ABCD3: variants seen among roughly 807,000 people sequenced by gnomAD.
The protein encoded by ABCD3 is ATP-binding cassette sub-family D member 3.
ABCD3 carries 41 observed loss-of-function variants against 105.5 expected under a neutral mutation model. That is an observed-to-expected ratio of 0.39 (90% CI 0.30 to 0.50). ABCD3 has a LOEUF of 0.50. ABCD3 is among the 20% of genes least tolerant of loss of function. ABCD3 has a pLI of 0.84. For missense variants in ABCD3, 622 were observed against 806.3 expected, an observed-to-expected ratio of 0.77 and a Z score of 2.77; for synonymous variants, 258 against 269.0, an observed-to-expected ratio of 0.96 and a Z score of 0.40.
chr1:94,412,819 T>TTATTTTG, the ABCD3 span, among the ~76,000 whole-genome samples: 1 of 152,242 alleles, frequency 6.6e-6, no homozygotes, highest in African/African-American at 2.4e-5. Flanking sequence ...TAGTGTAGTT[T>TTATTTTG]TATTTTGTAT....
intron 1 of ABCD3, among the ~76,000 whole-genome samples, chr1:94,443,118 C>T (rs924468029): frequency 6.6e-6 from 1 of 152,130 alleles, no homozygotes; most frequent in Non-Finnish European, 1.5e-5. Context: ...CACATCCTTG[C>T]CAACATCTGT....
At chr1:94,415,922 T>C (rs543625201), upstream of ABCD3, among the ~76,000 whole-genome samples, 1 of 152,326 alleles carries the variant, frequency 6.6e-6, no homozygotes, top group East Asian at 1.9e-4. Flanking sequence ...ATTAATAAAC[T>C]TAATGGGTTC....
At chr1:94,455,414 C>T (rs921665264) in intron 1 of ABCD3, among the ~76,000 whole-genome samples, 3 of 152,000 alleles carry the variant, frequency 2.0e-5, no homozygotes, top group Non-Finnish European at 2.9e-5. Context: ...CAACCTCCGC[C>T]TCCTGGGTTC....
intron 1 of ABCD3, among the ~76,000 whole-genome samples, chr1:94,427,223 G>C (rs752787400): frequency 6.6e-6 from 1 of 152,084 alleles, no homozygotes; most frequent in Non-Finnish European, 1.5e-5. Flanking sequence ...TGTGGGGAAG[G>C]GTCTTTCTTT....
At chr1:94,439,639 A>T (rs926733347) in intron 1 of ABCD3, among the ~76,000 whole-genome samples, 1 of 152,156 alleles carries the variant, frequency 6.6e-6, no homozygotes, top group African/African-American at 2.4e-5. Context: ...AAAAATAAAA[A>T]ATACTCTGTT....
intron 2 of ABCD3, among the ~76,000 whole-genome samples, chr1:94,461,126 G>A (rs898423849): frequency 1.3e-5 from 2 of 152,100 alleles, no homozygotes; most frequent in Non-Finnish European, 1.5e-5. Context: ...AAGTACACAC[G>A]TGTGCTAAAA....
In ABCD3 at chr1:94,488,186, T is replaced by C. The variant is rs76788874; in HGVS notation, c.1157+203T>C. Among the ~76,000 whole-genome samples the C allele has an allele frequency of 2.9e-3, 447 of 152,252 alleles. 2 individuals carry two copies. Among genetic ancestry groups the C allele is most frequent in the African/African-American group, 0.01 (430 of 41,546 alleles). ...CAGCTGGTTTGCGCAGTACAGTAGA[T>C]TAGAGGCTGTCAAGTTGTTTGCTCC... On this transcript the variant is annotated intron_variant, in intron 13 of 22. Coordinates refer to ENST00000370214, the MANE Select transcript of ABCD3 (RefSeq NM_002858.4).
chr1:94,466,550 T>G (rs1648144665), intron 3 of ABCD3, among the ~76,000 whole-genome samples: 1 of 152,222 alleles, frequency 6.6e-6, no homozygotes, highest in Non-Finnish European at 1.5e-5. Flanking sequence ...CCTCAGCCTT[T>G]CATTTGTTTA....
intron 1 of ABCD3, among the ~76,000 whole-genome samples, chr1:94,443,696 A>G (rs1570751603): frequency 1.3e-5 from 2 of 152,260 alleles, no homozygotes; most frequent in South Asian, 2.1e-4. Flanking sequence ...TTCATTCTAC[A>G]TGGCTATGTA....
At chr1:94,385,686 C>T in the ABCD3 span, among the ~76,000 whole-genome samples, 2 of 152,348 alleles carry the variant, frequency 1.3e-5, no homozygotes, top group African/African-American at 2.4e-5. Flanking sequence ...AAGAACTTTA[C>T]ATTTCAAAGC....
At chr1:94,499,657 C>T (rs1649997366) in intron 20 of ABCD3, 43 bp downstream of exon 20, 1 of 1,610,598 alleles carries the variant, frequency 6.2e-7, no homozygotes, top group Non-Finnish European at 8.5e-7. Flanking sequence ...GCAACTGGTT[C>T]CAGCATTTTG....
At chr1:94,467,751 G>A (rs914771929) in intron 3 of ABCD3, among the ~76,000 whole-genome samples, 168 bp from the exon 4 acceptor site, 38 of 151,942 alleles carry the variant, frequency 2.5e-4, no homozygotes, top group Non-Finnish European at 4.3e-4. Flanking sequence ...ATATTCTTGC[G>A]TTCCCTTTAA....
At chr1:94,406,940 A>G in the ABCD3 span, 1 of 152,788 alleles carries the variant, frequency 6.5e-6, no homozygotes, top group Non-Finnish European at 1.5e-5. Context: ...ATGTTTCACT[A>G]TCTAGTGGGG....
intron 1 of ABCD3, among the ~76,000 whole-genome samples, chr1:94,425,031 C>A (rs1659408132): frequency 6.6e-6 from 1 of 152,126 alleles, no homozygotes; most frequent in African/African-American, 2.4e-5. Context: ...ATAACACATT[C>A]TTTTTGCTAC....
the ABCD3 span, among the ~76,000 whole-genome samples, chr1:94,387,577 T>G: frequency 6.6e-6 from 1 of 152,208 alleles, no homozygotes; most frequent in African/African-American, 2.4e-5. Context: ...AAACTCAATT[T>G]TGGGTTTACC....
At chr1:94,450,621 T>C (rs1383151835) in intron 1 of ABCD3, among the ~76,000 whole-genome samples, 1 of 152,218 alleles carries the variant, frequency 6.6e-6, no homozygotes, top group Non-Finnish European at 1.5e-5. Flanking sequence ...TGCTTATCAC[T>C]GGCTTGCTGT....
chr1:94,497,649 C>T (rs1186506048), intron 16 of ABCD3, among the ~76,000 whole-genome samples: 1 of 152,134 alleles, frequency 6.6e-6, no homozygotes, highest in African/African-American at 2.4e-5. Flanking sequence ...TTATAGTGCA[C>T]ATATATTTTG....
intron 1 of ABCD3, among the ~76,000 whole-genome samples, chr1:94,453,520 T>G (rs1157591022): frequency 6.6e-6 from 1 of 151,644 alleles, no homozygotes; most frequent in East Asian, 1.9e-4. Context: ...GGGTTTCACC[T>G]TGTTAGCCAG....
the ABCD3 span, among the ~76,000 whole-genome samples, chr1:94,405,020 T>C: frequency 6.6e-6 from 1 of 151,944 alleles, no homozygotes; most frequent in African/African-American, 2.4e-5. Flanking sequence ...GAACTCATTA[T>C]GTGTATATAC....
Sources: allele counts gnomAD v4.1 joint callset (sites outside exome capture counted in the v4.1 genomes callset), GRCh38; gene constraint gnomAD v4.1.1; transcripts MANE v1.5; gene names NCBI Gene and HGNC (gene_info 2026-07-23, HGNC 2026-07-21).